Variants in PKD1L1 observed in about 807,000 individuals in gnomAD.
PKD1L1 encodes polycystin-1-like protein 1.
PKD1L1 carries 236 observed loss-of-function variants against 323.4 expected under a neutral mutation model. That is an observed-to-expected ratio of 0.73 (90% CI 0.66 to 0.81). The LOEUF (loss-of-function observed/expected upper bound fraction) is 0.81. Ranked by LOEUF, PKD1L1 falls within the 40% of genes least tolerant of loss-of-function variation. The probability of loss-of-function intolerance (pLI) is 0.00; values close to 1 mark genes in which losing one functional copy is unlikely to be tolerated. For missense variants in PKD1L1, 3,320 were observed against 3,508.0 expected (o/e 0.95, Z 1.35); for synonymous variants, 1,344 against 1,335.0 (o/e 1.01, Z -0.15).
At chr7:47,883,881 T>C (rs1583646663) in intron 19 of PKD1L1, among the ~76,000 whole-genome samples, 2 of 152,344 alleles carry the variant, frequency 1.3e-5, no homozygotes, top group East Asian at 3.9e-4. Context: ...TAGACATCCA[T>C]CTCTTCACTA....
Position 47,857,797 on chromosome 7 carries a change from C to A in PKD1L1, c.4398G>T (p.Gln1466His). 6.2e-7 allele frequency: 1 copy of A among 1,614,212 alleles called. No individual in the cohort carries two copies. Among genetic ancestry groups the A allele is most frequent in the Non-Finnish European group, 8.5e-7 (1 of 1,180,046 alleles). ...AATGAAGAAGGGTCCGGAACTCCAT[C>A]TGCCCAGTGCTAACATGGTTCAAAG... ...CLSLNHVSTGQMEFRTLLHYN... is the reference protein window; with the variant it reads ...CLSLNHVSTGHMEFRTLLHYN... The change falls in exon 28 of 57, where the codon CAG becomes CAT. Residue 1466 changes from glutamine to histidine, a missense_variant. Gln to His is a conservative substitution (Grantham distance 24, BLOSUM62 0). Coordinates refer to ENST00000289672, the MANE Select transcript of PKD1L1 (RefSeq NM_138295.5).
intron 3 of PKD1L1, among the ~76,000 whole-genome samples, chr7:47,937,898 T>C (rs1787902594): frequency 6.6e-6 from 1 of 152,050 alleles, no homozygotes; most frequent in Non-Finnish European, 1.5e-5. Flanking sequence ...GCAGCTCTCC[T>C]TGTGACAAAA....
chr7:47,943,157 AAAAAAAATATATAT>A (rs1318852424), intron 2 of PKD1L1, among the ~76,000 whole-genome samples: 3 of 65,480 alleles, frequency 4.6e-5, no homozygotes, highest in East Asian at 5.9e-4. Flanking sequence ...AAAAAAAAAA[AAAAAAAATATATAT>A]ATATATATAT....
At position 47,902,476 on chromosome 7, in the gene PKD1L1, T is replaced by C; in HGVS notation, c.1967A>G (p.Asn656Ser). 3 of 1,614,096 alleles carry C rather than the reference T, an allele frequency of 1.9e-6. No homozygotes were observed. Among genetic ancestry groups the C allele is most frequent in the South Asian group, 1.1e-5 (1 of 91,078 alleles). ...TCTTAGAGTGGAGGCACTGACATTA[T>C]TGAAGGCAAGGACCTCCACTGTAAA... ...GEFTVEVLAFNNVSASTLRQQ... is the reference protein window; with the variant it reads ...GEFTVEVLAFSNVSASTLRQQ... Residue 656 changes from asparagine (N) to serine (S), a missense_variant, in exon 13 of 57, where the codon AAT becomes AGT. Coordinates refer to ENST00000289672, the MANE Select transcript of PKD1L1 (RefSeq NM_138295.5).
At chr7:47,838,966 A>G (rs567853200) in intron 36 of PKD1L1, among the ~76,000 whole-genome samples, 2 of 152,160 alleles carry the variant, frequency 1.3e-5, no homozygotes, top group East Asian at 3.9e-4. Context: ...ATAGGGAAAG[A>G]CGGAAAGGAC....
intron 21 of PKD1L1, 44 bp from the exon 22 acceptor site, chr7:47,877,675 T>C: frequency 6.2e-7 from 1 of 1,602,734 alleles, no homozygotes; most frequent in Non-Finnish European, 8.5e-7. Flanking sequence ...TGATGGAGAA[T>C]TACAGCAGCA....
intron 56 of PKD1L1, among the ~76,000 whole-genome samples, chr7:47,777,944 G>T (rs929167121): frequency 1.3e-5 from 2 of 152,244 alleles, no homozygotes; most frequent in Non-Finnish European, 2.9e-5. Context: ...GGAGCTGCAG[G>T]GGAGGTGGCG....
chr7:47,905,834 A>C lies in PKD1L1; in HGVS notation c.1522+9T>G. The C allele has an allele frequency of 6.2e-7, 1 of 1,610,868 alleles. No individual in the cohort carries two copies. The highest frequency in any genetic ancestry group is 8.5e-7 in the Non-Finnish European group (1 of 1,179,370). ...TTTTGTTAAATCTGGAATTAAAACAAAGACATACATTGCATCTTATACCAG... is the reference window on the plus strand; with the variant it reads ...TTTTGTTAAATCTGGAATTAAAACACAGACATACATTGCATCTTATACCAG... On this transcript the variant is annotated intron_variant, in intron 10 of 56. Coordinates refer to ENST00000289672, the MANE Select transcript of PKD1L1 (RefSeq NM_138295.5).
rs151266957 is a variant in PKD1L1 at position 47,809,569 on chromosome 7, G to A, written c.7590C>T (p.Phe2530=). The A allele has an allele frequency of 5.3e-5, 84 of 1,586,178 alleles. No homozygotes were observed. The African/African-American group carries it at 9.9e-4, about 19-fold the overall frequency. The change falls in exon 51 of 57, where the codon TTC becomes TTT. Residue 2530 remains phenylalanine, a synonymous_variant. Coordinates refer to ENST00000289672, the MANE Select transcript of PKD1L1 (RefSeq NM_138295.5). ...QYHLMLPQLV[F]LALSLIHLCV... ...AGAGGTGGATCAGGCTGAGTGCCAG[G>A]AAGACCAGCTGGTGGAGAGAATGTA...
chr7:47,837,227 T>A, intron 36 of PKD1L1, 133 bp from the exon 37 acceptor site: 1 of 1,004,224 alleles, frequency 1.0e-6, no homozygotes, highest in South Asian at 1.6e-5. Flanking sequence ...TGCTTAGCTG[T>A]GTACCAGGTG....
chr7:47,865,439 T>C lies in PKD1L1; in HGVS notation c.4093-167A>G, dbSNP rs1702631052. On this transcript the variant is annotated intron_variant, in intron 25 of 56. Transcript: ENST00000289672. ...ACCTTCTGTACAGAGACCATTACTG[T>C]TGTCTCTGGTTTTCCTTGGAATCCA... 6.6e-5 allele frequency among the ~76,000 whole-genome samples: 10 copies of C among 152,290 alleles called. No individual in the cohort carries two copies. In the South Asian group the frequency reaches 2.1e-3, roughly 32 times the overall value.
At chr7:47,828,761 G>A (rs1040754698) in intron 44 of PKD1L1, among the ~76,000 whole-genome samples, 5 of 152,218 alleles carry the variant, frequency 3.3e-5, no homozygotes, top group Admixed American at 3.3e-4. Flanking sequence ...CAGACATGGA[G>A]TTTATTAGGA....
At chr7:47,833,772 C>A (rs567862896) in intron 40 of PKD1L1, among the ~76,000 whole-genome samples, 1 of 152,288 alleles carries the variant, frequency 6.6e-6, no homozygotes, top group East Asian at 1.9e-4. Context: ...CAGAATCCCA[C>A]GTAAGCAAAG....
intron 7 of PKD1L1, among the ~76,000 whole-genome samples, chr7:47,925,290 A>T (rs1787635578): frequency 6.6e-6 from 1 of 152,182 alleles, no homozygotes; most frequent in South Asian, 2.1e-4. Flanking sequence ...CTGTAGGAAC[A>T]CTTGAGGCCA....
chr7:47,800,108 G>A (rs944378236), intron 54 of PKD1L1, among the ~76,000 whole-genome samples: 6 of 152,112 alleles, frequency 3.9e-5, no homozygotes, highest in African/African-American at 9.7e-5. Context: ...CAGGCAATAG[G>A]ACAAGACCAT....
intron 24 of PKD1L1, 98 bp downstream of exon 24, chr7:47,873,801 G>A: frequency 1.2e-6 from 1 of 830,106 alleles, no homozygotes; most frequent in Non-Finnish European, 1.9e-6. Context: ...ATGAGTTCCT[G>A]ACATGTTTTT....
At chr7:47,789,161 G>A (rs6463446) in intron 56 of PKD1L1, among the ~76,000 whole-genome samples, 149,781 of 152,284 alleles carry the variant, frequency 0.98, 73,713 homozygotes, top group Middle Eastern at 1. Context: ...CAGTTTGAAG[G>A]TCGTTCTGGA....
chr7:47,882,873 T>C (rs115214142), intron 19 of PKD1L1, among the ~76,000 whole-genome samples: 1 of 152,208 alleles, frequency 6.6e-6, no homozygotes, highest in African/African-American at 2.4e-5. Context: ...TGTGATGAGA[T>C]GACTGCAGGC....
At chr7:47,922,376 G>A (rs973689293) in intron 7 of PKD1L1, among the ~76,000 whole-genome samples, 31 of 150,572 alleles carry the variant, frequency 2.1e-4, no homozygotes, top group South Asian at 6.3e-4. Context: ...GCCGCCCATC[G>A]TCTGGGATGT....
Sources: allele counts gnomAD v4.1 joint callset (sites outside exome capture counted in the v4.1 genomes callset), GRCh38; gene constraint gnomAD v4.1.1; transcripts MANE v1.5; gene names NCBI Gene and HGNC (gene_info 2026-07-23, HGNC 2026-07-21).